TRPM3: variants seen among roughly 807,000 people sequenced by gnomAD.
TRPM3 encodes the protein long transient receptor potential channel 3.
A neutral mutation model predicts 181.2 loss-of-function variants in TRPM3; 77 were observed. That is an observed-to-expected ratio of 0.42 (90% CI 0.35 to 0.51). TRPM3 has a LOEUF of 0.51. TRPM3 is among the 20% of genes least tolerant of loss of function. TRPM3 has a pLI of 0.01. For missense variants in TRPM3, 1,759 were observed against 2,196.7 expected (o/e 0.80, Z 3.98); for synonymous variants, 745 against 796.4 (o/e 0.94, Z 1.09).
intron 6 of TRPM3, among the ~76,000 whole-genome samples, chr9:70,794,011 A>G (rs2086340751): frequency 6.6e-6 from 1 of 152,094 alleles, no homozygotes; most frequent in South Asian, 2.1e-4. Context: ...AAATCGTTTG[A>G]TTGGACATAA....
At chr9:70,791,646 A>G (rs1417255907) in intron 6 of TRPM3, among the ~76,000 whole-genome samples, 2 of 152,198 alleles carry the variant, frequency 1.3e-5, no homozygotes, top group African/African-American at 4.8e-5. Context: ...GTGAAATTTT[A>G]GCAAATTTGG....
intron 6 of TRPM3, among the ~76,000 whole-genome samples, chr9:70,787,763 C>CTTTTTTTTTTTTTTTTTTTTTTTGT (rs2084154820): frequency 1.5e-5 from 1 of 68,558 alleles, no homozygotes; most frequent in Non-Finnish European, 2.6e-5. Flanking sequence ...TTTTTGGATT[C>CTTTTTTTTTTTTTTTTTTTTTTTGT]TTTTTTTTTT....
intron 1 of TRPM3, among the ~76,000 whole-genome samples, chr9:71,190,908 A>G (rs1220581754): frequency 6.6e-6 from 1 of 151,808 alleles, no homozygotes; most frequent in African/African-American, 2.4e-5. Context: ...TGCCAACAAA[A>G]CACTCTAGTG....
intron 1 of TRPM3, among the ~76,000 whole-genome samples, chr9:70,932,914 G>C (rs912030707): frequency 6.6e-6 from 1 of 152,090 alleles, no homozygotes; most frequent in East Asian, 1.9e-4. Context: ...TATACTTTAG[G>C]CTAGAGGTAC....
intron 3 of TRPM3, among the ~76,000 whole-genome samples, chr9:70,854,406 G>C (rs2095330589): frequency 6.6e-6 from 1 of 152,102 alleles, no homozygotes; most frequent in African/African-American, 2.4e-5. Flanking sequence ...GACACTGTGT[G>C]GATTAAATTG....
At chr9:70,763,144 G>T (rs2078455975) in intron 7 of TRPM3, among the ~76,000 whole-genome samples, 1 of 152,050 alleles carries the variant, frequency 6.6e-6, no homozygotes, top group Non-Finnish European at 1.5e-5. Context: ...ATCCTGGAAG[G>T]TCACTCAGCT....
intron 1 of TRPM3, among the ~76,000 whole-genome samples, chr9:71,417,642 A>G (rs115534735): frequency 2.0e-5 from 3 of 152,190 alleles, no homozygotes; most frequent in Non-Finnish European, 2.9e-5. Flanking sequence ...TAATGGAAAC[A>G]TATCTGAGAA....
intron 25 of TRPM3, among the ~76,000 whole-genome samples, chr9:70,537,881 T>A (rs1041550729): frequency 2.6e-5 from 4 of 152,224 alleles, no homozygotes; most frequent in African/African-American, 4.8e-5. Context: ...AATTTTGCAA[T>A]GAAATTTTAG....
In TRPM3 at chr9:71,046,833, C is replaced by T. The variant is rs75364463; in HGVS notation, c.177+74345G>A. Among the ~76,000 whole-genome samples the T allele has an allele frequency of 4.9e-3, 750 of 152,242 alleles. 17 individuals carry two copies. In the East Asian group the frequency reaches 0.078, roughly 16 times the overall value. On this transcript the variant is annotated intron_variant, in intron 1 of 25. Transcript: ENST00000677713. ...TAGGAGAACAGAATGAAAAGCTGAT[C>T]AGGAGGAAATGGAGTCTACCTGGTC...
In TRPM3 at chr9:70,787,371, A is replaced by T. The variant is rs537933285; in HGVS notation, c.974-3092T>A. On this transcript the variant is annotated intron_variant, in intron 6 of 25. Coordinates refer to ENST00000677713, the MANE Select transcript of TRPM3 (RefSeq NM_001366145.2). Reference sequence around the variant, plus strand: ...TTCCAAATTCTCTCTTATTTTTTTCAGTGATAATACACGGACATTTGTTCC... The same window carrying T: ...TTCCAAATTCTCTCTTATTTTTTTCTGTGATAATACACGGACATTTGTTCC... 9.2e-5 allele frequency among the ~76,000 whole-genome samples: 14 copies of T among 152,278 alleles called. No individual in the cohort carries two copies. The South Asian group carries it at 2.7e-3, about 29-fold the overall frequency.
chr9:70,942,276 C>G (rs2096893429), intron 1 of TRPM3, among the ~76,000 whole-genome samples: 1 of 152,192 alleles, frequency 6.6e-6, no homozygotes, highest in Non-Finnish European at 1.5e-5. Context: ...TATGTACATA[C>G]ACACATACCT....
At chr9:70,666,826 T>A (rs183755513) in intron 9 of TRPM3, among the ~76,000 whole-genome samples, 94 of 152,304 alleles carry the variant, frequency 6.2e-4, no homozygotes, top group Non-Finnish European at 1.2e-3. Flanking sequence ...ATTGTTTTTT[T>A]ATCCACCATT....
At chr9:71,244,624 T>C (rs2081930401) in intron 1 of TRPM3, among the ~76,000 whole-genome samples, 3 of 152,190 alleles carry the variant, frequency 2.0e-5, no homozygotes, top group Admixed American at 1.3e-4. Flanking sequence ...TACTTTACTT[T>C]TTATTCCAAA....
At chr9:71,006,870 C>A (rs1259665471) in intron 1 of TRPM3, among the ~76,000 whole-genome samples, 205 of 97,102 alleles carry the variant, frequency 2.1e-3, no homozygotes, top group African/African-American at 2.5e-3. Flanking sequence ...GACTCCGTCT[C>A]AAAAAAAAAA....
chr9:71,425,382 T>A (rs1322099301), intron 1 of TRPM3, among the ~76,000 whole-genome samples: 1 of 152,116 alleles, frequency 6.6e-6, no homozygotes, highest in African/African-American at 2.4e-5. Context: ...AGCCTATTTC[T>A]CCCCATGTGT....
chr9:70,641,091 C>T (rs2057998282), intron 9 of TRPM3, among the ~76,000 whole-genome samples: 1 of 152,106 alleles, frequency 6.6e-6, no homozygotes, highest in Non-Finnish European at 1.5e-5. Context: ...AAAATGTCTC[C>T]AGACATTGCC....
chr9:71,259,506 C>T (rs1413008762), intron 1 of TRPM3, among the ~76,000 whole-genome samples: 1 of 152,168 alleles, frequency 6.6e-6, no homozygotes, highest in Non-Finnish European at 1.5e-5. Context: ...GTATTCCTAC[C>T]AACAGCCTAA....
At chr9:71,437,607 A>C (rs112764406) in intron 1 of TRPM3, among the ~76,000 whole-genome samples, 6,866 of 152,150 alleles carry the variant, frequency 0.045, 509 homozygotes, top group African/African-American at 0.15. Flanking sequence ...GTGGGGGCTC[A>C]TGCCTGTCCT....
rs745542832 is a variant in TRPM3, at chr9:70,909,485, T to C, written c.178-44974A>G. On this transcript the variant is annotated intron_variant, in intron 1 of 25. Transcript: ENST00000677713. ...GGAATCCATGCTGAAGCCCAGGCCT[T>C]ACTCTGGGGAGCCCTAGGCAGCCAG... Among the ~76,000 whole-genome samples the C allele has an allele frequency of 6.4e-4, 98 of 152,240 alleles. No individual in the cohort carries two copies. In the Middle Eastern group the frequency reaches 0.02, roughly 32 times the overall value.
Sources: allele counts gnomAD v4.1 joint callset (sites outside exome capture counted in the v4.1 genomes callset), GRCh38; gene constraint gnomAD v4.1.1; transcripts MANE v1.5; gene names NCBI Gene and HGNC (gene_info 2026-07-23, HGNC 2026-07-21).